The following IQSEC1 variants were observed in gnomAD, a reference collection of about 807,000 sequenced individuals.
The protein encoded by IQSEC1 is IQ motif and SEC7 domain-containing protein 1.
IQSEC1 carries 31 observed loss-of-function variants against 91.0 expected under a neutral mutation model. The observed-to-expected ratio is 0.34, with a 90% CI of 0.26 to 0.46. IQSEC1 has a LOEUF of 0.46. Ranked by LOEUF, IQSEC1 falls within the 20% of genes least tolerant of loss-of-function variation. The pLI, the probability that IQSEC1 is intolerant of heterozygous loss-of-function variation, is 1.00. For synonymous variants in IQSEC1, 699 were observed against 662.6 expected (o/e 1.05, Z -0.84); for missense variants, 1,388 against 1,575.6 (o/e 0.88, Z 2.02).
rs1442430394 is a variant in IQSEC1 at position 12,908,956 on chromosome 3, C to T, written c.2578+317G>A. 1.3e-5 allele frequency among the ~76,000 whole-genome samples: 2 copies of T among 152,126 alleles called. No individual in the cohort carries two copies. The highest frequency in any genetic ancestry group is 2.9e-5 in the Non-Finnish European group (2 of 68,028). ...TGTGTGACCCATCAGTCGGTTGAGC[C>T]TGATGCAGAAGATGACGAGGTGCAG... On this transcript the variant is annotated intron_variant, in intron 11 of 13. Transcript: ENST00000613206. This position sits in a 1 kb window ranked among gnomAD's most constrained non-coding sequence, Gnocchi z 4.9.
chr3:13,092,938 C>T (rs1349815238), intron 2 of IQSEC1, among the ~76,000 whole-genome samples: 2 of 152,138 alleles, frequency 1.3e-5, no homozygotes, highest in Admixed American at 1.3e-4. Context: ...CTCCCGTAGC[C>T]GGCTCCTCCC....
chr3:13,058,921 C>A (rs373972714), intron 1 of IQSEC1, among the ~76,000 whole-genome samples: 1 of 152,146 alleles, frequency 6.6e-6, no homozygotes. Context: ...CTTTGGCCAG[C>A]GGCGGACAGC....
Position 12,935,804 on chromosome 3 carries a change from G to C in IQSEC1, c.1212C>G (p.Pro404=). Residue 404 remains proline (P), a synonymous_variant, in exon 3 of 14, where the codon CCC becomes CCG. Transcript: ENST00000613206. This position sits in a 1 kb window ranked among gnomAD's most constrained non-coding sequence, Gnocchi z 8.0. The part of the protein sequence containing the change: ...ERSLGGQQGS[P]KHGPHSGAPK... The stretch of plus-strand genomic sequence containing the variant: ...GGGCGCCGCTGTGGGGACCATGCTT[G>C]GGACTGCCCTGCTGCCCGCCAAGGC... The C allele has an allele frequency of 6.2e-7, 1 of 1,607,750 alleles. No homozygotes were observed. Among genetic ancestry groups the C allele is most frequent in the Non-Finnish European group, 8.5e-7 (1 of 1,179,808 alleles).
chr3:12,953,451 C>CT (rs1699696187), intron 1 of IQSEC1, among the ~76,000 whole-genome samples: 1 of 152,370 alleles, frequency 6.6e-6, no homozygotes, highest in South Asian at 2.1e-4. Flanking sequence ...GCAGCATTAT[C>CT]TTTAACGACT....
intron 1 of IQSEC1, among the ~76,000 whole-genome samples, chr3:13,061,822 A>AATTC (rs1209804008): frequency 6.6e-6 from 1 of 152,210 alleles, no homozygotes; most frequent in African/African-American, 2.4e-5. Context: ...CACACATTTG[A>AATTC]ATTCCCCTAA....
chr3:13,045,239 C>T (rs746336481), intron 1 of IQSEC1, among the ~76,000 whole-genome samples: 1 of 152,242 alleles, frequency 6.6e-6, no homozygotes, highest in Non-Finnish European at 1.5e-5. Flanking sequence ...CCATCTCTGT[C>T]TATTCCCTTC....
At chr3:13,151,827 A>T (rs949393740) in intron 2 of IQSEC1, among the ~76,000 whole-genome samples, 2 of 152,112 alleles carry the variant, frequency 1.3e-5, no homozygotes, top group African/African-American at 4.8e-5. Flanking sequence ...TTAGCTGGGT[A>T]TGGTGGCAGG....
rs1696031569 is a variant in IQSEC1, at chr3:12,915,814, C to T, written c.2021-81G>A. On this transcript the variant is annotated intron_variant, in intron 6 of 13. Coordinates refer to ENST00000613206, the MANE Select transcript of IQSEC1 (RefSeq NM_001134382.3). The stretch of plus-strand genomic sequence containing the variant: ...CAGTTTCTAAAGCAAATCAGAGGAG[C>T]GAACCTTCCACTAGACCCAACAGAA... 13 of 1,533,376 alleles carry T rather than the reference C, an allele frequency of 8.5e-6. No homozygotes were observed. In the South Asian group the frequency reaches 9.5e-5, roughly 11 times the overall value. The allele number at this position is 1,533,376 out of a possible 1,614,324, so 95.0% of individuals were successfully genotyped here. A position where few individuals can be genotyped will look rare whatever the true frequency, so the allele number is the denominator to read the frequency against.
chr3:13,016,688 T>C lies in IQSEC1; in HGVS notation c.23+56304A>G, dbSNP rs150973638. Among the ~76,000 whole-genome samples the C allele has an allele frequency of 8.1e-3, 1,231 of 152,336 alleles. 18 individuals carry two copies. Among genetic ancestry groups the C allele is most frequent in the African/African-American group, 0.028 (1,164 of 41,564 alleles). ...AGGTCCTCACAAACTCACTCCACCC[T>C]GTCACTCTCAACGCAAGGCCACCAC... On this transcript the variant is annotated intron_variant, in intron 1 of 13. Coordinates refer to ENST00000613206, the MANE Select transcript of IQSEC1 (RefSeq NM_001134382.3).
chr3:13,227,375 C>CAAAAAAAAAAAAAAAAAA (rs753199634), intron 1 of IQSEC1, among the ~76,000 whole-genome samples: 1 of 70,062 alleles, frequency 1.4e-5, no homozygotes, highest in African/African-American at 6.4e-5. Flanking sequence ...GACTCTGTCT[C>CAAAAAAAAAAAAAAAAAA]AAAAAAAAAA....
intron 1 of IQSEC1, chr3:13,021,890 TCTC>T: frequency 4.3e-6 from 2 of 465,568 alleles, no homozygotes; most frequent in Non-Finnish European, 6.9e-6. Flanking sequence ...ATTGTTCCAC[TCTC>T]CTCCTCCCGC....
intron 1 of IQSEC1, among the ~76,000 whole-genome samples, chr3:13,068,424 G>C (rs360859): frequency 0.46 from 70,339 of 152,192 alleles, 16,423 homozygotes; most frequent in South Asian, 0.64. Context: ...AGCAGGCCTG[G>C]GCCCTGGCCT....
chr3:13,015,190 A>G (rs111929162), intron 1 of IQSEC1, among the ~76,000 whole-genome samples: 10 of 152,144 alleles, frequency 6.6e-5, no homozygotes, highest in Admixed American at 2.0e-4. Flanking sequence ...CTCGGCTGTA[A>G]ACTGGGCATT....
At chr3:12,903,839 G>A (rs73813733) in intron 12 of IQSEC1, among the ~76,000 whole-genome samples, 32 of 152,332 alleles carry the variant, frequency 2.1e-4, no homozygotes, top group African/African-American at 5.8e-4. Flanking sequence ...TGTATTGAGC[G>A]CTGCGCTGGA....
At chr3:13,136,633 G>A (rs1247129605) in intron 2 of IQSEC1, among the ~76,000 whole-genome samples, 1 of 152,156 alleles carries the variant, frequency 6.6e-6, no homozygotes, top group African/African-American at 2.4e-5. Context: ...TCCGAGAGGA[G>A]GAAACAGGGA....
intron 2 of IQSEC1, among the ~76,000 whole-genome samples, chr3:13,108,627 G>A (rs1706192344): frequency 6.6e-6 from 1 of 152,138 alleles, no homozygotes; most frequent in Non-Finnish European, 1.5e-5. Flanking sequence ...GGCCCTGGGT[G>A]GACAAACTCA....
intron 2 of IQSEC1, among the ~76,000 whole-genome samples, chr3:13,114,656 G>A (rs1706306178): frequency 6.6e-6 from 1 of 152,020 alleles, no homozygotes; most frequent in African/African-American, 2.4e-5. Context: ...AGCCTGGCAT[G>A]GTGGTGGGTG....
intron 2 of IQSEC1, among the ~76,000 whole-genome samples, chr3:13,126,886 C>G (rs1706522332): frequency 6.6e-6 from 1 of 152,072 alleles, no homozygotes; most frequent in African/African-American, 2.4e-5. Flanking sequence ...AGTTTAAGAC[C>G]TTTTTGCCTA....
At chr3:13,218,532 G>A (rs1559279598) in intron 1 of IQSEC1, among the ~76,000 whole-genome samples, 2 of 152,242 alleles carry the variant, frequency 1.3e-5, no homozygotes, top group Non-Finnish European at 2.9e-5. Context: ...CAGCATAGTG[G>A]CTGCACTAAC....
Sources: gnomAD v4.1 joint callset for allele counts (sites outside exome capture counted in the v4.1 genomes callset) on GRCh38, gnomAD v4.1.1 for gene constraint, Gnocchi (gnomAD v3.1) non-coding constraint, MANE v1.5 for transcripts, NCBI Gene and HGNC (gene_info 2026-07-23, HGNC 2026-07-21) for gene names.